The following PUDP variants were observed in gnomAD, a reference collection of about 807,000 sequenced individuals.
PUDP encodes the protein pseudouridine-5'-phosphatase.
Under a neutral mutation model 9.4 loss-of-function variants are expected in PUDP, and 8 were observed. The observed-to-expected ratio is 0.85, with a 90% confidence interval of 0.50 to 1.53. The LOEUF (loss-of-function observed/expected upper bound fraction) is 1.53, where lower values mean the gene tolerates loss of function less well. Among genes scored for constraint, PUDP ranks in the 40% most tolerant of loss-of-function variants. The probability of loss-of-function intolerance (pLI) is 0.00; values close to 1 mark genes in which losing one functional copy is unlikely to be tolerated. For missense variants in PUDP, 188 were observed against 189.7 expected (o/e 0.99, Z 0.05); for synonymous variants, 99 against 80.7 (o/e 1.23, Z -1.22).
chrX:6,885,761 T>C (rs1222147494), intron 3 of PUDP, among the ~76,000 whole-genome samples: 6 of 112,179 alleles, frequency 5.3e-5, no homozygotes, highest in African/African-American at 1.6e-4. Context: ...CTCTTACTTA[T>C]ATAATAGCAG....
At chrX:7,083,406 G>A (rs1216465147) in intron 2 of PUDP, among the ~76,000 whole-genome samples, 1 of 111,419 alleles carries the variant, frequency 9.0e-6, no homozygotes, top group Non-Finnish European at 1.9e-5. Context: ...ATAAGTTACT[G>A]AGTCCTTAAA....
At chrX:7,138,749 A>C (rs1426340487) in intron 1 of PUDP, among the ~76,000 whole-genome samples, 2 of 112,055 alleles carry the variant, frequency 1.8e-5, no homozygotes, top group African/African-American at 6.5e-5. Flanking sequence ...AGAGATGTGA[A>C]GAGGAGCTAC....
chrX:6,945,105 A>T (rs1203146994), intron 3 of PUDP, among the ~76,000 whole-genome samples: 1 of 111,650 alleles, frequency 9.0e-6, no homozygotes, highest in African/African-American at 3.3e-5. Context: ...GTCAGGTCTT[A>T]AGCCTGAGCT....
intron 1 of PUDP, among the ~76,000 whole-genome samples, chrX:6,998,874 C>T (rs777617406): frequency 9.0e-6 from 1 of 110,609 alleles, no homozygotes; most frequent in South Asian, 3.9e-4. Context: ...ATGACTACTA[C>T]GGCAAAGAAC....
intron 3 of PUDP, among the ~76,000 whole-genome samples, chrX:7,065,817 C>T (rs951350673): frequency 8.9e-6 from 1 of 111,995 alleles, no homozygotes; most frequent in Non-Finnish European, 1.9e-5. Flanking sequence ...GCCATACATA[C>T]AAACAGCACT....
At position 7,007,956 on chromosome X, in the gene PUDP, A is replaced by G. The variant is rs747321127; in HGVS notation, c.205-29613T>C. Among the ~76,000 whole-genome samples, 3 of 110,927 alleles carry G rather than the reference A, an allele frequency of 2.7e-5. No individual in the cohort carries two copies. In the South Asian group the frequency reaches 1.2e-3, roughly 43 times the overall value. The stretch of plus-strand genomic sequence containing the variant: ...GTACACAAGGGCTTTATTATGGATA[A>G]TAATAAAATTTTTTTTTTCTTTTTT... On this transcript the variant is annotated intron_variant and NMD_transcript_variant, in intron 1 of 3. Coordinates refer to the PUDP transcript ENST00000655425.
rs1242205972 is a variant in PUDP, at chrX:6,751,179, A to T, written c.*248-44713T>A. The stretch of plus-strand genomic sequence containing the variant: ...GAAAGAAAAAAGAAAGAAAGAAAGA[A>T]AAAAAGAAAGAAAGAAAGAAAGAAA... On this transcript the variant is annotated intron_variant and NMD_transcript_variant, in intron 3 of 3. Transcript: ENST00000655425. Among the ~76,000 whole-genome samples the T allele has an allele frequency of 2.1e-4, 23 of 110,106 alleles. No individual in the cohort carries two copies. The Admixed American group carries it at 2.3e-3, about 11-fold the overall frequency.
At chrX:6,921,761 G>A (rs1177164171) in intron 3 of PUDP, among the ~76,000 whole-genome samples, 1 of 109,266 alleles carries the variant, frequency 9.2e-6, no homozygotes, top group Non-Finnish European at 1.9e-5. Context: ...TACCCAAAGA[G>A]AACCCTCCCT....
chrX:7,035,831 C>T (rs1929845592), intron 1 of PUDP, among the ~76,000 whole-genome samples: 1 of 111,696 alleles, frequency 9.0e-6, no homozygotes, highest in Non-Finnish European at 1.9e-5. Flanking sequence ...GAAATTTAGT[C>T]CCCAATATTG....
chrX:6,909,257 T>TA (rs1035241673), intron 3 of PUDP, among the ~76,000 whole-genome samples: 10 of 111,626 alleles, frequency 9.0e-5, no homozygotes, highest in African/African-American at 3.3e-4. Flanking sequence ...AATATGGTAT[T>TA]AAAAAAAAGA....
chrX:6,993,907 A>G (rs1204885164), intron 1 of PUDP, among the ~76,000 whole-genome samples: 1 of 111,754 alleles, frequency 8.9e-6, no homozygotes, highest in African/African-American at 3.3e-5. Flanking sequence ...GATCTAAGGG[A>G]GAATATTGAA....
intron 3 of PUDP, among the ~76,000 whole-genome samples, chrX:6,973,338 G>A (rs1928906347): frequency 1.8e-5 from 2 of 111,630 alleles, no homozygotes; most frequent in Admixed American, 1.9e-4. Context: ...TTCTCCTGTG[G>A]GCATTTAGTG....
At chrX:7,027,818 ACTATAGAATATACTATATT>A (rs1569142136) in intron 1 of PUDP, among the ~76,000 whole-genome samples, 3 of 685 alleles carry the variant, frequency 4.4e-3, no homozygotes, top group African/African-American at 0.028. Flanking sequence ...CTATATATAG[ACTATAGAATATACTATATT>A]CTATATATAG....
chrX:6,724,327 A>G (rs1924713320), upstream of PUDP, among the ~76,000 whole-genome samples: 1 of 111,083 alleles, frequency 9.0e-6, no homozygotes, highest in Non-Finnish European at 1.9e-5. Flanking sequence ...AAACCATCTC[A>G]TTATGCATTT....
At chrX:7,044,296 C>A (rs1261868835), downstream of PUDP, among the ~76,000 whole-genome samples, 1 of 111,893 alleles carries the variant, frequency 8.9e-6, no homozygotes, top group African/African-American at 3.3e-5. Flanking sequence ...ACAGATACTG[C>A]AGTTGAAGCA....
intron 1 of PUDP, among the ~76,000 whole-genome samples, chrX:6,981,588 T>A (rs994463964): frequency 4.5e-5 from 5 of 111,731 alleles, no homozygotes; most frequent in African/African-American, 1.3e-4. Context: ...TTTTTTAACC[T>A]ATAAATCCCA....
rs760982118 is a variant in PUDP at position 7,026,774 on chromosome X, G to A, written c.205-48431C>T. Among the ~76,000 whole-genome samples the A allele has an allele frequency of 1.8e-4, 20 of 112,060 alleles. No individual in the cohort carries two copies. The East Asian group carries it at 4.8e-3, about 27-fold the overall frequency. On this transcript the variant is annotated intron_variant and NMD_transcript_variant, in intron 1 of 3. Transcript: ENST00000655425. ...AGACCCCCCTCCCACAGCAAAGAAT[G>A]ATCTTGTTAAATGTCAGTAGTGCTG...
chrX:6,786,883 G>A (rs1187204629), intron 3 of PUDP, among the ~76,000 whole-genome samples: 2 of 111,388 alleles, frequency 1.8e-5, no homozygotes, highest in South Asian at 3.8e-4. Context: ...ATGTTTATTT[G>A]TTTGTTTGTT....
At chrX:6,888,883 A>G (rs1386339035) in intron 3 of PUDP, among the ~76,000 whole-genome samples, 5 of 110,997 alleles carry the variant, frequency 4.5e-5, no homozygotes, top group African/African-American at 1.6e-4. Flanking sequence ...ATGCCCCATC[A>G]TTTCCCGGCC....
Sources: gnomAD v4.1 joint callset for allele counts (sites outside exome capture counted in the v4.1 genomes callset) on GRCh38, gnomAD v4.1.1 for gene constraint, MANE v1.5 for transcripts, NCBI Gene and HGNC (gene_info 2026-07-23, HGNC 2026-07-21) for gene names.